The following TEP1 variants were observed in gnomAD, a reference collection of about 807,000 sequenced individuals.
TEP1 encodes the protein telomerase protein component 1.
TEP1 carries 241 observed loss-of-function variants against 306.3 expected under a neutral mutation model. That is an observed-to-expected ratio of 0.79 (90% CI 0.71 to 0.88). TEP1 has a LOEUF of 0.88. Among genes scored for constraint, TEP1 ranks in the 40% least tolerant of loss-of-function variants. The pLI is 0.00. For synonymous variants in TEP1, 1,289 were observed against 1,305.5 expected, an observed-to-expected ratio of 0.99 and a Z score of 0.27; for missense variants, 3,051 against 3,276.1, an observed-to-expected ratio of 0.93 and a Z score of 1.68.
In TEP1 at chr14:20,381,761, C is replaced by T. The variant is rs572851093; in HGVS notation, c.4425-75G>A. On this transcript the variant is annotated intron_variant, in intron 30 of 54. Transcript: ENST00000262715. The surrounding 1 kb of genome is among the most constrained non-coding windows in gnomAD (Gnocchi z 4.0). ...GAGCTTCCTGGCACACAGTGGGCTC[C>T]TATTCCCCCCTCAAATAGCGGAAAC... The T allele has an allele frequency of 4.0e-5, 62 of 1,534,540 alleles. No individual in the cohort carries two copies. The African/African-American group carries it at 8.2e-4, about 20-fold the overall frequency.
intron 7 of TEP1, among the ~76,000 whole-genome samples, chr14:20,402,913 C>T (rs1283492996): frequency 6.6e-6 from 1 of 152,052 alleles, no homozygotes; most frequent in Admixed American, 6.6e-5. Context: ...AATTCCAGCA[C>T]TTTGGGAGGT....
At position 20,369,875 on chromosome 14, in the gene TEP1, T is replaced by TA. The variant is rs1411645999; in HGVS notation, c.7318-97_7318-96insT. 3.1e-3 allele frequency: 2,833 copies of TA among 908,652 alleles called. 8 individuals are homozygous for TA. The highest frequency in any genetic ancestry group is 0.021 in the Middle Eastern group (59 of 2,858). The allele number at this position is 908,652 out of a possible 1,614,324, so 56.3% of individuals were successfully genotyped here. On this transcript the variant is annotated intron_variant, in intron 51 of 54. Coordinates refer to ENST00000262715, the MANE Select transcript of TEP1 (RefSeq NM_007110.5). ...TTCTGCTCTGGGCTGGTCAGGAATT[T>TA]TTTTTTTTTTTAACTACAACTTAGA...
intron 17 of TEP1, 83 bp from the exon 18 acceptor site, chr14:20,388,146 A>T (rs906098613): frequency 1.3e-6 from 2 of 1,491,596 alleles, no homozygotes; most frequent in Admixed American, 1.9e-5. Flanking sequence ...AGGGGGAAAA[A>T]GATATGTCCA....
rs1879371342 is a variant in TEP1, at chr14:20,408,293, G to A, written c.147C>T (p.Asn49=). Reference sequence around the variant, plus strand: ...GGTCAGGAAGCGTGGCTAGGCACTGGTTCTTCAAGGAGAGGATATCTGAGT... The same window carrying A: ...GGTCAGGAAGCGTGGCTAGGCACTGATTCTTCAAGGAGAGGATATCTGAGT... ...STHSDILSLK[N]QCLATLPDLK... The change falls in exon 2 of 55, where the codon AAC becomes AAT. Residue 49 remains asparagine (N), a synonymous_variant. Coordinates refer to ENST00000262715, the MANE Select transcript of TEP1 (RefSeq NM_007110.5). The A allele has an allele frequency of 1.2e-6, 2 of 1,614,034 alleles. No homozygotes were observed. The highest frequency in any genetic ancestry group is 1.3e-5 in the African/African-American group (1 of 74,992).
At position 20,406,227 on chromosome 14, in the gene TEP1, T is replaced by G; in HGVS notation, c.735+6A>C. ...ATTAACCTTCCCCTAACTCTTGAAT[T>G]TTTACCTTCTTTTCCTGAAGGACAT... On this transcript the variant is annotated splice_donor_region_variant and intron_variant, in intron 3 of 54. Transcript: ENST00000262715. The G allele has an allele frequency of 6.2e-7, 1 of 1,613,774 alleles. No individual in the cohort carries two copies. The highest frequency in any genetic ancestry group is 1.3e-5 in the African/African-American group (1 of 74,956).
rs1447524732 is a variant in TEP1 at position 20,383,527 on chromosome 14, C to T, written c.3828G>A (p.Gly1276=). The stretch of plus-strand genomic sequence containing the variant: ...TTGGGATCCAGTCTGAAATCAGCTG[C>T]CCATTCTGGTCCACTAACCTATCAG... ...DGADRLVDQN[G]QLISDWIPKK... is the part of the protein sequence containing the mutation. Residue 1276 remains glycine (G), a synonymous_variant, in exon 26 of 55, where the codon GGG becomes GGA. Coordinates refer to ENST00000262715, the MANE Select transcript of TEP1 (RefSeq NM_007110.5). The T allele has an allele frequency of 1.2e-6, 2 of 1,614,234 alleles. No homozygotes were observed. Among genetic ancestry groups the T allele is most frequent in the Non-Finnish European group, 8.5e-7 (1 of 1,180,046 alleles).
At chr14:20,379,167 C>T in intron 35 of TEP1, 62 bp from the exon 36 acceptor site, 11 of 1,576,160 alleles carry the variant, frequency 7.0e-6, no homozygotes, top group Non-Finnish European at 9.4e-6. Context: ...AGTCCCACCA[C>T]TCCAGGCCCC....
chr14:20,387,530 C>T (rs112882241), intron 18 of TEP1, among the ~76,000 whole-genome samples: 5 of 133,576 alleles, frequency 3.7e-5, no homozygotes, highest in African/African-American at 8.4e-5. Flanking sequence ...CCAGACTGGG[C>T]GACACAGCGA....
At chr14:20,368,692 T>C in intron 54 of TEP1, 106 bp downstream of exon 54, 6 of 1,536,432 alleles carry the variant, frequency 3.9e-6, no homozygotes, top group Non-Finnish European at 5.3e-6. Context: ...AACAGAATTT[T>C]GATCTTTTGC....
At chr14:20,408,574 G>A (rs1277752143) in intron 1 of TEP1, 111 bp from the exon 2 acceptor site, 5 of 838,642 alleles carry the variant, frequency 6.0e-6, no homozygotes, top group Non-Finnish European at 9.1e-6. Flanking sequence ...TTTGTGGGTA[G>A]AAAACAACCA....
intron 43 of TEP1, among the ~76,000 whole-genome samples, chr14:20,375,444 G>A (rs558626222): frequency 1.7e-4 from 26 of 152,204 alleles, no homozygotes; most frequent in African/African-American, 6.3e-4. Context: ...GTGAGCCACC[G>A]TGCCCAGACC....
chr14:20,389,102 T>C, intron 17 of TEP1, 136 bp downstream of exon 17: 1 of 756,836 alleles, frequency 1.3e-6, no homozygotes, highest in Non-Finnish European at 2.2e-6. Flanking sequence ...GAGCCAAGAT[T>C]GTGCCACTGC....
chr14:20,395,711 C>A, intron 11 of TEP1, 84 bp from the exon 12 acceptor site: 1 of 1,521,288 alleles, frequency 6.6e-7, no homozygotes, highest in African/African-American at 1.4e-5. Flanking sequence ...TGAGCCCCAA[C>A]CCTTGGGGCT....
At chr14:20,405,655 C>G in intron 3 of TEP1, 70 bp from the exon 4 acceptor site, 4 of 1,560,612 alleles carry the variant, frequency 2.6e-6, no homozygotes, top group Non-Finnish European at 3.5e-6. Context: ...TCCATGCAGA[C>G]TAACTTACAA....
intron 5 of TEP1, among the ~76,000 whole-genome samples, chr14:20,404,351 G>A (rs9796387): frequency 0.032 from 3,695 of 116,814 alleles, 52 homozygotes; most frequent in Non-Finnish European, 0.035. Flanking sequence ...GTGAAACTCC[G>A]TCTCCAAAAA....
intron 10 of TEP1, 107 bp downstream of exon 10, chr14:20,396,514 G>A (rs982490396): frequency 2.9e-5 from 25 of 854,112 alleles, no homozygotes; most frequent in African/African-American, 1.2e-4. Flanking sequence ...CTTGAGGGCC[G>A]TACCTGCCTC....
rs766135874 is a variant in TEP1 at position 20,386,095 on chromosome 14, C to T, written c.2962G>A (p.Asp988Asn). The change falls in exon 20 of 55, where the codon GAC becomes AAC. Residue 988 changes from aspartate (D) to asparagine (N), a missense_variant. Physicochemically the swap from Asp to Asn is conservative, Grantham distance 23. Around this residue, in one of 3 missense-constraint regions of TEP1, gnomAD observed 1,507 missense variants for 1,550.5 expected, o/e 0.97. Coordinates refer to ENST00000262715, the MANE Select transcript of TEP1 (RefSeq NM_007110.5). ...GYIPPSYNLP[D>N]HPHFHWAQQY... is the part of the protein sequence containing the mutation. Reference sequence around the variant, plus strand: ...CTTACCCAGTGGAAGTGTGGATGGTCAGGAAGGTTGTAGCTGGGGGGAATG... The same window carrying T: ...CTTACCCAGTGGAAGTGTGGATGGTTAGGAAGGTTGTAGCTGGGGGGAATG... 5.6e-6 allele frequency: 9 copies of T among 1,611,712 alleles called. No individual in the cohort carries two copies. The Admixed American group carries it at 1.5e-4, about 27-fold the overall frequency.
rs1433142692 is a variant in TEP1 at position 20,383,756 on chromosome 14, G to C, written c.3697C>G (p.Pro1233Ala). 6.2e-7 allele frequency: 1 copy of C among 1,611,732 alleles called. No homozygotes were observed. Among genetic ancestry groups the C allele is most frequent in the African/African-American group, 1.3e-5 (1 of 75,032 alleles). Residue 1233 changes from proline to alanine, a missense_variant, in exon 25 of 55, where the codon CCC becomes GCC. By Grantham distance (27) the Pro-to-Ala change is conservative. Coordinates refer to ENST00000262715, the MANE Select transcript of TEP1 (RefSeq NM_007110.5). ...RGQLKEPGAL[P>A]STYRSLVWEL... ...GGGGATACCCACCGGTAGGTGCTGG[G>C]GAGGGCACCTGGCTCTTTTAGTTGG... is the stretch of plus-strand genomic sequence containing the variant.
At chr14:20,378,327 C>G in intron 38 of TEP1, 53 bp downstream of exon 38, 1 of 1,612,702 alleles carries the variant, frequency 6.2e-7, no homozygotes, top group South Asian at 1.1e-5. Flanking sequence ...GTCTGCCACC[C>G]TCCACTCCTG....
Sources: allele counts gnomAD v4.1 joint callset (sites outside exome capture counted in the v4.1 genomes callset), GRCh38; gene constraint gnomAD v4.1.1; regional missense constraint gnomAD v4.1.1; non-coding constraint Gnocchi (gnomAD v3.1); transcripts MANE v1.5; gene names NCBI Gene and HGNC (gene_info 2026-07-23, HGNC 2026-07-21).